Variants in GOPC observed in about 807,000 individuals in gnomAD.
GOPC encodes the protein golgi associated PDZ and coiled-coil motif containing.
GOPC carries 32 observed loss-of-function variants against 51.2 expected under a neutral mutation model. That is an observed-to-expected ratio of 0.63 (90% CI 0.47 to 0.84). The LOEUF is 0.84. GOPC is among the 40% of genes least tolerant of loss of function. The pLI, the probability that GOPC is intolerant of heterozygous loss-of-function variation, is 0.00. For synonymous variants in GOPC, 190 were observed against 205.1 expected, an observed-to-expected ratio of 0.93 and a Z score of 0.63; for missense variants, 441 against 555.5, an observed-to-expected ratio of 0.79 and a Z score of 2.07.
chr6:117,590,369 G>C (rs757408138), intron 1 of GOPC, among the ~76,000 whole-genome samples: 1 of 151,976 alleles, frequency 6.6e-6, no homozygotes, highest in African/African-American at 2.4e-5. Flanking sequence ...TTAGGAGATC[G>C]AGACCAGCCT....
chr6:117,588,920 A>C (rs1010119961), intron 1 of GOPC, among the ~76,000 whole-genome samples: 4 of 152,080 alleles, frequency 2.6e-5, no homozygotes, highest in African/African-American at 9.7e-5. Context: ...CTTCTGAAAA[A>C]AGGCTCATGT....
chr6:117,560,853 G>C lies in GOPC; in HGVS notation c.*2401C>G. 1 of 214,652 alleles carries C rather than the reference G, an allele frequency of 4.7e-6. No homozygotes were observed. The highest frequency in any genetic ancestry group is 9.4e-6 in the Non-Finnish European group (1 of 106,370). The allele number at this position is 214,652 out of a possible 1,614,324, so 13.3% of individuals were successfully genotyped here. ...CCTTCTGTCCCCTTCTCGATGAAAT[G>C]GCTTTGCAACAGTTCCCTCCTTACT... On this transcript the variant is annotated 3_prime_UTR_variant, in exon 9 of 9. Transcript: ENST00000368498.
At position 117,567,031 on chromosome 6, in the gene GOPC, C is replaced by T. The variant is rs1294150413; in HGVS notation, c.1081G>A (p.Gly361Arg). ...EAVTILSQQR[G>R]EIEFEVVYVA... is the part of the protein sequence containing the mutation. ...TAAACTACTTCAAATTCAATCTCTC[C>T]TCTCTAAAACAGGAAATGAAAATGA... Residue 361 changes from glycine (G) to arginine (R), a missense_variant, in exon 8 of 9, where the codon GGA (glycine) becomes AGA (arginine). Coordinates refer to ENST00000368498, the MANE Select transcript of GOPC (RefSeq NM_020399.4). 6.4e-7 allele frequency: 1 copy of T among 1,560,702 alleles called. No individual in the cohort carries two copies. Among genetic ancestry groups the T allele is most frequent in the African/African-American group, 1.4e-5 (1 of 72,156 alleles).
At position 117,562,326 on chromosome 6, in the gene GOPC, G is replaced by A. The variant is rs1450033696; in HGVS notation, c.*928C>T. ...AACTGCCGTTTGATTTGAATGTACT[G>A]TGTTTCATGACATAGTAATAAATCT... is the stretch of plus-strand genomic sequence containing the variant. On this transcript the variant is annotated 3_prime_UTR_variant, in exon 9 of 9. Coordinates refer to ENST00000368498, the MANE Select transcript of GOPC (RefSeq NM_020399.4). 1 of 201,482 alleles carries A rather than the reference G, an allele frequency of 5.0e-6. No individual in the cohort carries two copies. Among genetic ancestry groups the A allele is most frequent in the Non-Finnish European group, 1.0e-5 (1 of 97,994 alleles). The allele number at this position is 201,482 out of a possible 1,614,324, so 12.5% of individuals were successfully genotyped here.
chr6:117,573,028 C>T (rs561539870), intron 5 of GOPC, among the ~76,000 whole-genome samples: 4 of 152,186 alleles, frequency 2.6e-5, no homozygotes, highest in Non-Finnish European at 5.9e-5. Context: ...CTATCTTAAT[C>T]CAAGACCAAA....
At chr6:117,580,418 G>A (rs549576336) in intron 1 of GOPC, among the ~76,000 whole-genome samples, 1 of 152,104 alleles carries the variant, frequency 6.6e-6, no homozygotes, top group Admixed American at 6.5e-5. Flanking sequence ...GAACTTATTA[G>A]ACTAGGAAAA....
At chr6:117,575,520 G>A (rs756054723) in intron 3 of GOPC, 168 bp from the exon 4 acceptor site, 1 of 765,314 alleles carries the variant, frequency 1.3e-6, no homozygotes, top group East Asian at 2.4e-5. Context: ...ATAACATCTT[G>A]GAACTACTTC....
At chr6:117,577,425 CAA>C (rs772911118) in intron 3 of GOPC, 21 bp downstream of exon 3, 21 of 1,600,586 alleles carry the variant, frequency 1.3e-5, no homozygotes, top group Admixed American at 3.4e-5. Context: ...CATATTAAAG[CAA>C]AACAGAAACA....
chr6:117,567,116 CT>C, intron 7 of GOPC, 82 bp from the exon 8 acceptor site: 1 of 1,000,758 alleles, frequency 1.0e-6, no homozygotes, highest in Non-Finnish European at 1.4e-6. Flanking sequence ...TGTGGGAAGG[CT>C]TAGGGGTAGA....
In GOPC at chr6:117,573,320, T is replaced by G. The variant is rs1779833616; in HGVS notation, c.816+147A>C. ...CTAAAATTTCTATGGGTGTTGAAAC[T>G]TCATCTACTTTGAATAAGTTGAATC... On this transcript the variant is annotated intron_variant, in intron 5 of 8. Transcript: ENST00000368498. 6.7e-6 allele frequency: 6 copies of G among 902,246 alleles called. No individual in the cohort carries two copies. The Admixed American group carries it at 1.3e-4, about 20-fold the overall frequency. 55.9% of individuals were successfully genotyped at this position (902,246 alleles called of 1,614,324 possible). A position where few individuals can be genotyped will look rare whatever the true frequency, so the allele number is the denominator to read the frequency against.
At chr6:117,588,965 T>G (rs915842640) in intron 1 of GOPC, among the ~76,000 whole-genome samples, 8 of 152,144 alleles carry the variant, frequency 5.3e-5, no homozygotes, top group African/African-American at 1.7e-4. Context: ...AGGCAATCTT[T>G]TGGCTTCCCT....
chr6:117,571,191 T>C (rs1194180627), intron 5 of GOPC, among the ~76,000 whole-genome samples: 1 of 152,186 alleles, frequency 6.6e-6, no homozygotes, highest in Non-Finnish European at 1.5e-5. Flanking sequence ...AAAATATTGA[T>C]ACATCTCTTT....
intron 1 of GOPC, among the ~76,000 whole-genome samples, chr6:117,599,828 T>C (rs1461945254): frequency 6.6e-6 from 1 of 152,198 alleles, no homozygotes; most frequent in Non-Finnish European, 1.5e-5. Flanking sequence ...ACAAAAAAAA[T>C]GGAGCACAGC....
intron 1 of GOPC, among the ~76,000 whole-genome samples, chr6:117,589,334 G>A (rs1780080366): frequency 6.6e-6 from 1 of 152,166 alleles, no homozygotes; most frequent in Admixed American, 6.5e-5. Context: ...TATTTATTTT[G>A]TTGAGATGGA....
chr6:117,593,181 CCTCTT>C (rs1387353276), intron 1 of GOPC, among the ~76,000 whole-genome samples: 4 of 152,146 alleles, frequency 2.6e-5, no homozygotes, highest in African/African-American at 9.7e-5. Flanking sequence ...CTATCTCAAA[CCTCTT>C]CTACTAGCCT....
rs3752848 is a variant in GOPC, at chr6:117,602,436, T to C, written c.-148A>G. ...CGCGCCGTTAACGCCAGCAGCACAG[T>C]CACAGAACCGCAGGAGTAACGAGGC... is the stretch of plus-strand genomic sequence containing the variant. On this transcript the variant is annotated 5_prime_UTR_variant, in exon 1 of 9. Coordinates refer to ENST00000368498, the MANE Select transcript of GOPC (RefSeq NM_020399.4). The C allele has an allele frequency of 0.52, 376,387 of 718,888 alleles. 102,596 individuals are homozygous for C. Among genetic ancestry groups the C allele is most frequent in the East Asian group, 0.77 (28,390 of 36,688 alleles). The allele number at this position is 718,888 out of a possible 1,614,324, so 44.5% of individuals were successfully genotyped here. A position where few individuals can be genotyped will look rare whatever the true frequency, so the allele number is the denominator to read the frequency against.
intron 1 of GOPC, among the ~76,000 whole-genome samples, chr6:117,595,259 T>C (rs1374298253): frequency 6.6e-6 from 1 of 152,172 alleles, no homozygotes; most frequent in Non-Finnish European, 1.5e-5. Context: ...TTAGTCTAAA[T>C]CCTACATAGA....
At chr6:117,564,746 G>C (rs1011454710) in intron 8 of GOPC, among the ~76,000 whole-genome samples, 1 of 152,134 alleles carries the variant, frequency 6.6e-6, no homozygotes, top group Non-Finnish European at 1.5e-5. Flanking sequence ...TTCTAATCCC[G>C]ACAGAAAACA....
At chr6:117,593,864 G>GT (rs945133102) in intron 1 of GOPC, among the ~76,000 whole-genome samples, 14 of 151,804 alleles carry the variant, frequency 9.2e-5, no homozygotes, top group Non-Finnish European at 1.3e-4. Flanking sequence ...CCATCTCTAG[G>GT]TTTTTTTTAT....
Sources: gnomAD v4.1 joint callset for allele counts (sites outside exome capture counted in the v4.1 genomes callset) on GRCh38, gnomAD v4.1.1 for gene constraint, MANE v1.5 for transcripts, NCBI Gene and HGNC (gene_info 2026-07-23, HGNC 2026-07-21) for gene names.